Variants in DROSHA observed in about 807,000 individuals in gnomAD.
The protein encoded by DROSHA is ribonuclease 3.
Under a neutral mutation model 181.9 loss-of-function variants are expected in DROSHA, and 56 were observed. The observed-to-expected ratio is 0.31, with a 90% CI of 0.25 to 0.38. The LOEUF (loss-of-function observed/expected upper bound fraction) is 0.38, where lower values mean the gene tolerates loss of function less well. Ranked by LOEUF, DROSHA falls within the 10% of genes least tolerant of loss-of-function variation. The pLI, the probability that DROSHA is intolerant of heterozygous loss-of-function variation, is 1.00. For missense variants in DROSHA, 1,218 were observed against 1,743.5 expected, an observed-to-expected ratio of 0.70 and a Z score of 5.37; for synonymous variants, 524 against 591.2, an observed-to-expected ratio of 0.89 and a Z score of 1.65.
chr5:31,512,227 G>A (rs1042535944), intron 8 of DROSHA, among the ~76,000 whole-genome samples: 2 of 152,196 alleles, frequency 1.3e-5, no homozygotes, highest in African/African-American at 4.8e-5. Context: ...TCATTGTTGG[G>A]AGTGGCGATG....
intron 27 of DROSHA, among the ~76,000 whole-genome samples, chr5:31,427,536 C>A (rs1483543635): frequency 6.6e-6 from 1 of 152,170 alleles, no homozygotes; most frequent in Admixed American, 6.5e-5. Context: ...GCCATTATGA[C>A]CCTCTGACTA....
intron 16 of DROSHA, among the ~76,000 whole-genome samples, chr5:31,478,585 T>G (rs903075218): frequency 6.6e-6 from 1 of 152,068 alleles, no homozygotes; most frequent in African/African-American, 2.4e-5. Context: ...AATACAAAAA[T>G]TAGCCAGGCA....
chr5:31,510,565 A>G (rs889409186), intron 9 of DROSHA, among the ~76,000 whole-genome samples: 1 of 152,252 alleles, frequency 6.6e-6, no homozygotes, highest in African/African-American at 2.4e-5. Flanking sequence ...CTCAGAACAT[A>G]CACATGAAAA....
Position 31,476,550 on chromosome 5 carries a change from A to C in DROSHA, c.2072-4318T>G, listed in dbSNP as rs560113491. 2.0e-5 allele frequency among the ~76,000 whole-genome samples: 3 copies of C among 152,364 alleles called. No homozygotes were observed. In the East Asian group the frequency reaches 5.8e-4, roughly 29 times the overall value. On this transcript the variant is annotated intron_variant, in intron 16 of 35. Coordinates refer to ENST00000344624, the MANE Select transcript of DROSHA (RefSeq NM_001382508.1). ...TTAACAACACTGAAGGAGAAACCAC[A>C]AATCCATGTTGAAATCTGCTAAATA... is the stretch of plus-strand genomic sequence containing the variant.
At chr5:31,448,665 A>G (rs2150013670) in intron 22 of DROSHA, 58 bp from the exon 23 acceptor site, 1 of 1,337,952 alleles carries the variant, frequency 7.5e-7, no homozygotes, top group Non-Finnish European at 1.1e-6. Flanking sequence ...TTATAGGACC[A>G]TCATATTACA....
At position 31,424,499 on chromosome 5, in the gene DROSHA, C is replaced by T. The variant is rs373877090; in HGVS notation, c.3217-28G>A. 7.4e-5 allele frequency: 116 copies of T among 1,577,632 alleles called. No individual in the cohort carries two copies. The Middle Eastern group carries it at 9.9e-4, about 14-fold the overall frequency. ...GGAAAATGGAGTGATGCCTTTAATG[C>T]TCAAGGGAGCCATTTAACGCACTCT... On this transcript the variant is annotated intron_variant, in intron 27 of 35. Coordinates refer to ENST00000344624, the MANE Select transcript of DROSHA (RefSeq NM_001382508.1).
chr5:31,479,455 TCATA>T (rs1750766072), intron 16 of DROSHA, among the ~76,000 whole-genome samples: 1 of 152,192 alleles, frequency 6.6e-6, no homozygotes, highest in Non-Finnish European at 1.5e-5. Flanking sequence ...GACCCATATC[TCATA>T]CGAATTGTGA....
At chr5:31,488,206 CAG>C (rs144577651) in intron 13 of DROSHA, among the ~76,000 whole-genome samples, 3,868 of 152,054 alleles carry the variant, frequency 0.025, 160 homozygotes, top group African/African-American at 0.089. Flanking sequence ...CAACTGAGTT[CAG>C]GAGTTCAAGA....
chr5:31,421,435 A>C, intron 29 of DROSHA, 58 bp from the exon 30 acceptor site: 4 of 1,352,662 alleles, frequency 3.0e-6, no homozygotes, highest in Non-Finnish European at 4.2e-6. Context: ...TTTCCAAAAA[A>C]ACACCCAGAA....
In DROSHA at chr5:31,516,236, C is replaced by T. The variant is rs564480778; in HGVS notation, c.948-672G>A. 5.3e-5 allele frequency among the ~76,000 whole-genome samples: 8 copies of T among 152,326 alleles called. No homozygotes were observed. In the South Asian group the frequency reaches 1.0e-3, roughly 20 times the overall value. On this transcript the variant is annotated intron_variant, in intron 6 of 35. Transcript: ENST00000344624. The stretch of plus-strand genomic sequence containing the variant: ...GCACCACGCACTCCAGCCTGGGCAA[C>T]AGAGCAAAATGCTGTCTCAAAACAA...
intron 20 of DROSHA, among the ~76,000 whole-genome samples, chr5:31,452,246 T>C (rs772457914): frequency 6.6e-6 from 1 of 152,326 alleles, no homozygotes; most frequent in African/African-American, 2.4e-5. Context: ...CATGCAAAAG[T>C]TGTACACAAG....
chr5:31,488,413 CAA>C (rs746732224), intron 13 of DROSHA, among the ~76,000 whole-genome samples: 16 of 64,064 alleles, frequency 2.5e-4, no homozygotes, highest in Admixed American at 3.4e-4. Context: ...ACTCTATCAC[CAA>C]AAAAAAAAAA....
chr5:31,499,954 A>T (rs1039525750), intron 11 of DROSHA, among the ~76,000 whole-genome samples: 2 of 152,234 alleles, frequency 1.3e-5, no homozygotes, highest in African/African-American at 4.8e-5. Flanking sequence ...CCTAAGGCTT[A>T]CCTGTGAGAG....
rs777052398 is a variant in DROSHA, at chr5:31,409,338, G to GA, written c.3668-7dup. 9 of 1,563,518 alleles carry GA rather than the reference G, an allele frequency of 5.8e-6. No individual in the cohort carries two copies. The highest frequency in any genetic ancestry group is 1.4e-5 in the African/African-American group (1 of 73,558). ...GTACAGCGCTGCAATAAATGCTGGG[G>GA]AAAAAAGAATACTTTAAAATAAACC... On this transcript the variant is annotated splice_polypyrimidine_tract_variant and splice_region_variant and intron_variant, in intron 31 of 35. Coordinates refer to ENST00000344624, the MANE Select transcript of DROSHA (RefSeq NM_001382508.1). The surrounding 1 kb of genome is among the most constrained non-coding windows in gnomAD (Gnocchi z 4.0).
In DROSHA at chr5:31,484,899, A is replaced by G. The variant is rs369595504; in HGVS notation, c.1978T>C (p.Tyr660His). Reference protein sequence around the residue: ...LFLFRDILELYDWNLKGPLFE... With the variant: ...LFLFRDILELHDWNLKGPLFE... ...TACTTACCTTTAAGATTCCAGTCAT[A>G]TAATTCCAAAATATCTCTGAATAGG... The change falls in exon 15 of 36, where the codon TAT (tyrosine) becomes CAT (histidine). Residue 660 changes from tyrosine to histidine, a missense_variant. Physicochemically the swap from Tyr to His is moderately conservative, Grantham distance 83. Transcript: ENST00000344624. 100 of 1,545,840 alleles carry G rather than the reference A, an allele frequency of 6.5e-5. No homozygotes were observed. Among genetic ancestry groups the G allele is most frequent in the Non-Finnish European group, 8.5e-5 (97 of 1,144,642 alleles).
intron 23 of DROSHA, 149 bp downstream of exon 23, chr5:31,448,398 A>C (rs1746561838): frequency 1.6e-6 from 1 of 643,444 alleles, no homozygotes; most frequent in South Asian, 1.9e-5. Context: ...TCTTTGGGGT[A>C]ATGTCAATGT....
intron 20 of DROSHA, among the ~76,000 whole-genome samples, chr5:31,460,670 T>C (rs900978789): frequency 6.6e-6 from 1 of 152,202 alleles, no homozygotes; most frequent in Non-Finnish European, 1.5e-5. Context: ...TCAAAGACTT[T>C]GAATAATCAT....
intron 26 of DROSHA, among the ~76,000 whole-genome samples, chr5:31,430,219 A>G (rs759250691): frequency 2.0e-5 from 3 of 152,224 alleles, no homozygotes; most frequent in Non-Finnish European, 2.9e-5. Flanking sequence ...TTTGACAACT[A>G]AAGACATTCA....
At chr5:31,519,638 C>T (rs544158280) in intron 6 of DROSHA, among the ~76,000 whole-genome samples, 1 of 152,272 alleles carries the variant, frequency 6.6e-6, no homozygotes, top group East Asian at 1.9e-4. Context: ...CTGCAGGTTT[C>T]AACACCACAT....
Sources: allele counts gnomAD v4.1 joint callset (sites outside exome capture counted in the v4.1 genomes callset), GRCh38; gene constraint gnomAD v4.1.1; non-coding constraint Gnocchi (gnomAD v3.1); transcripts MANE v1.5; gene names NCBI Gene and HGNC (gene_info 2026-07-23, HGNC 2026-07-21).